The following CALCR variants were observed in gnomAD, a reference collection of about 807,000 sequenced individuals.
CALCR encodes calcitonin receptor.
A neutral mutation model predicts 59.5 loss-of-function variants in CALCR; 47 were observed. The ratio of observed to expected loss-of-function variants is 0.79; its 90% CI spans 0.63 to 1.01. The LOEUF is 1.01. CALCR is among the 50% of genes least tolerant of loss of function. The pLI, the probability that CALCR is intolerant of heterozygous loss-of-function variation, is 0.00. For missense variants in CALCR, 566 were observed against 597.1 expected (o/e 0.95, Z 0.54); for synonymous variants, 213 against 211.3 (o/e 1.01, Z -0.07).
At chr7:93,487,352 A>G (rs750627930) in intron 2 of CALCR, among the ~76,000 whole-genome samples, 4 of 151,414 alleles carry the variant, frequency 2.6e-5, no homozygotes, top group Non-Finnish European at 5.9e-5. Flanking sequence ...AATTGCAATG[A>G]AGATGTCCAC....
At chr7:93,515,071 C>A (rs1463218828) in intron 2 of CALCR, among the ~76,000 whole-genome samples, 2 of 152,012 alleles carry the variant, frequency 1.3e-5, no homozygotes, top group African/African-American at 2.4e-5. Flanking sequence ...GTGTTTCTGA[C>A]ATCAGTAGAA....
At position 93,548,862 on chromosome 7, in the gene CALCR, GTGTGTGTGTGTGTGTGTC is replaced by G. The variant is rs1223112650; in HGVS notation, c.-27+25409_-27+25426del. Among the ~76,000 whole-genome samples the G allele has an allele frequency of 3.3e-3, 457 of 139,164 alleles. 4 individuals are homozygous for G. In the Middle Eastern group the frequency reaches 0.042, roughly 13 times the overall value. 91.3% of individuals were successfully genotyped at this position (139,164 alleles called of 152,430 possible). On this transcript the variant is annotated intron_variant, in intron 2 of 13. Transcript: ENST00000426151. ...GAAGTGTGTGTGTGTGTGTGTGTGTGTGTGTGTGTGTGTGTGTCTGTGTGTGTGTATGAATTTCAAGTT... is the reference window on the plus strand; with the variant it reads ...GAAGTGTGTGTGTGTGTGTGTGTGTGTGTGTGTGTGTATGAATTTCAAGTT...
intron 5 of CALCR, among the ~76,000 whole-genome samples, chr7:93,475,687 T>G (rs1562988569): frequency 1.3e-5 from 2 of 151,880 alleles, no homozygotes; most frequent in African/African-American, 4.8e-5. Flanking sequence ...TGGTATTTTT[T>G]GTTTTGTTTT....
chr7:93,464,341 G>T (rs907868180), intron 7 of CALCR, among the ~76,000 whole-genome samples: 10 of 151,956 alleles, frequency 6.6e-5, no homozygotes, highest in African/African-American at 2.4e-4. Context: ...GTAGCAAAAA[G>T]AAAACAAGTA....
chr7:93,474,558 AAATC>A (rs1385367453), intron 5 of CALCR, among the ~76,000 whole-genome samples: 8 of 151,722 alleles, frequency 5.3e-5, no homozygotes, highest in African/African-American at 1.9e-4. Flanking sequence ...CTGAAAGAAA[AAATC>A]AGGTTGAATT....
intron 13 of CALCR, among the ~76,000 whole-genome samples, chr7:93,428,272 C>T (rs1799573523): frequency 6.6e-6 from 1 of 152,174 alleles, no homozygotes; most frequent in African/African-American, 2.4e-5. Context: ...ATGGGAAGGG[C>T]ACTACTATCT....
chr7:93,431,585 T>C (rs938368102), intron 13 of CALCR, among the ~76,000 whole-genome samples: 1 of 152,224 alleles, frequency 6.6e-6, no homozygotes, highest in African/African-American at 2.4e-5. Flanking sequence ...TAAAACTTGG[T>C]AGCCAGTTGC....
chr7:93,499,105 A>C (rs77421373), intron 2 of CALCR, among the ~76,000 whole-genome samples: 3,522 of 151,788 alleles, frequency 0.023, 55 homozygotes, highest in Non-Finnish European at 0.036. Context: ...TTTCACTCCA[A>C]GATAGGCTCT....
intron 2 of CALCR, among the ~76,000 whole-genome samples, chr7:93,524,421 C>G (rs988062529): frequency 6.6e-6 from 1 of 152,100 alleles, no homozygotes; most frequent in Non-Finnish European, 1.5e-5. Flanking sequence ...CCGCCCACCT[C>G]AGCCTCCCAA....
rs1289154565 is a variant in CALCR at position 93,495,948 on chromosome 7, T to C, written c.-26-8941A>G. ...AAATTGCATCCTGGGGTGGCAAAAGTGGGTGGATCAGTGGGAATCATTTAT... is the reference window on the plus strand; with the variant it reads ...AAATTGCATCCTGGGGTGGCAAAAGCGGGTGGATCAGTGGGAATCATTTAT... On this transcript the variant is annotated intron_variant, in intron 2 of 13. Coordinates refer to ENST00000426151, the MANE Select transcript of CALCR (RefSeq NM_001742.4). The C allele has an allele frequency of 7.9e-6, 12 of 1,525,800 alleles. 1 individual carries two copies. The highest frequency in any genetic ancestry group is 9.6e-6 in the Non-Finnish European group (11 of 1,140,996). 94.5% of individuals were successfully genotyped at this position (1,525,800 alleles called of 1,614,324 possible).
chr7:93,527,403 A>T (rs1342393056), intron 2 of CALCR, among the ~76,000 whole-genome samples: 1 of 152,092 alleles, frequency 6.6e-6, no homozygotes, highest in African/African-American at 2.4e-5. Context: ...ATATTTCTAT[A>T]ATGCAAGTTG....
At chr7:93,508,271 G>T (rs1801470844) in intron 2 of CALCR, among the ~76,000 whole-genome samples, 1 of 152,134 alleles carries the variant, frequency 6.6e-6, no homozygotes, top group Admixed American at 6.6e-5. Flanking sequence ...ACCCCTCAAT[G>T]TGCTTAGTCA....
At chr7:93,439,818 A>C (rs573755591) in intron 9 of CALCR, among the ~76,000 whole-genome samples, 1 of 152,142 alleles carries the variant, frequency 6.6e-6, no homozygotes, top group South Asian at 2.1e-4. Context: ...AGGCAAGGCA[A>C]AGAAACAGTC....
At chr7:93,448,587 C>A (rs759290947) in intron 8 of CALCR, among the ~76,000 whole-genome samples, 23 of 151,852 alleles carry the variant, frequency 1.5e-4, no homozygotes, top group Non-Finnish European at 2.5e-4. Context: ...CAAATAAGTG[C>A]CACTATGTAC....
chr7:93,470,096 C>T (rs555669133), intron 6 of CALCR, among the ~76,000 whole-genome samples: 1 of 151,790 alleles, frequency 6.6e-6, no homozygotes, highest in Admixed American at 6.6e-5. Flanking sequence ...CATCATTTGA[C>T]CAGGCATTCC....
At chr7:93,554,617 A>G (rs1217127250) in intron 2 of CALCR, among the ~76,000 whole-genome samples, 1 of 151,836 alleles carries the variant, frequency 6.6e-6, no homozygotes, top group African/African-American at 2.4e-5. Context: ...GCAATAGCAC[A>G]TTGGGAAGAG....
chr7:93,568,503 A>G (rs1789917114), intron 2 of CALCR, among the ~76,000 whole-genome samples: 1 of 100,734 alleles, frequency 9.9e-6, no homozygotes, highest in Non-Finnish European at 1.9e-5. Context: ...TTTCCATAAA[A>G]TTACTTTCTC....
At chr7:93,461,960 CT>C (rs1295506859) in intron 7 of CALCR, 41 of 718,050 alleles carry the variant, frequency 5.7e-5, no homozygotes, top group African/African-American at 1.3e-4. Flanking sequence ...ATAACACTAA[CT>C]ATTCCTAAAA....
intron 13 of CALCR, among the ~76,000 whole-genome samples, chr7:93,427,751 T>C (rs1220002509): frequency 4.6e-5 from 7 of 152,112 alleles, no homozygotes; most frequent in Admixed American, 4.6e-4. Context: ...AAATATACTT[T>C]TTTTTTCCTG....
Sources: allele counts gnomAD v4.1 joint callset (sites outside exome capture counted in the v4.1 genomes callset), GRCh38; gene constraint gnomAD v4.1.1; transcripts MANE v1.5; gene names NCBI Gene and HGNC (gene_info 2026-07-23, HGNC 2026-07-21).